Variants in USP34 observed in about 807,000 individuals in gnomAD.
USP34 encodes ubiquitin specific peptidase 34.
USP34 carries 70 observed loss-of-function variants against 460.3 expected under a neutral mutation model. The ratio of observed to expected loss-of-function variants is 0.15; its 90% CI spans 0.13 to 0.19. The LOEUF (loss-of-function observed/expected upper bound fraction) is 0.19, where lower values mean the gene tolerates loss of function less well. Among genes scored for constraint, USP34 ranks in the 10% least tolerant of loss-of-function variants. The probability of loss-of-function intolerance (pLI) is 1.00; values close to 1 mark genes in which losing one functional copy is unlikely to be tolerated. For missense variants in USP34, 3,985 were observed against 4,236.2 expected (o/e 0.94, Z 1.65); for synonymous variants, 1,647 against 1,405.3 (o/e 1.17, Z -3.85).
chr2:61,456,347 A>C (rs983890134), intron 1 of USP34, among the ~76,000 whole-genome samples: 9 of 152,182 alleles, frequency 5.9e-5, no homozygotes, highest in Non-Finnish European at 1.2e-4. Context: ...ATCCTCTTTG[A>C]ACTCTATTTC....
At chr2:61,188,786 ATT>A (rs1686529905) in intron 79 of USP34, 77 bp from the exon 80 acceptor site, 1 of 1,567,688 alleles carries the variant, frequency 6.4e-7, no homozygotes, top group Non-Finnish European at 8.6e-7. Context: ...TGGGAAGTTA[ATT>A]TTGTTTCTAG....
At chr2:61,249,320 G>A (rs191419009) in intron 48 of USP34, among the ~76,000 whole-genome samples, 152 of 152,278 alleles carry the variant, frequency 1.0e-3, no homozygotes, top group African/African-American at 3.5e-3. Flanking sequence ...TAACCAAAAG[G>A]GCCACTAAGT....
At chr2:61,390,654 A>G (rs541242529) in intron 5 of USP34, among the ~76,000 whole-genome samples, 106 of 152,250 alleles carry the variant, frequency 7.0e-4, no homozygotes, top group Non-Finnish European at 1.3e-3. Context: ...TTTGAGATTG[A>G]AACAAATGTA....
At chr2:61,295,887 G>A (rs2103625666) in intron 30 of USP34, among the ~76,000 whole-genome samples, 1 of 152,298 alleles carries the variant, frequency 6.6e-6, no homozygotes, top group East Asian at 1.9e-4. Context: ...ATAACATTAG[G>A]ACATTTATTT....
Position 61,354,200 on chromosome 2 carries a change from G to A in USP34, c.1252-3507C>T, listed in dbSNP as rs879645828. Among the ~76,000 whole-genome samples, 13 of 152,034 alleles carry A rather than the reference G, an allele frequency of 8.6e-5. 1 individual carries two copies. Among genetic ancestry groups the A allele is most frequent in the Non-Finnish European group, 1.3e-4 (9 of 67,992 alleles). On this transcript the variant is annotated intron_variant, in intron 10 of 79. Coordinates refer to ENST00000398571, the MANE Select transcript of USP34 (RefSeq NM_014709.4). ...AGATACACTCAAAAAGACCCCTATC[G>A]ATACACAATGCAATCAGAATGTAGG...
At chr2:61,414,628 T>C (rs1694142523) in intron 2 of USP34, among the ~76,000 whole-genome samples, 1 of 151,988 alleles carries the variant, frequency 6.6e-6, no homozygotes, top group Non-Finnish European at 1.5e-5. Context: ...GAACAAAGAA[T>C]AGGACAAAAG....
At chr2:61,424,109 T>G (rs964713640) in intron 1 of USP34, among the ~76,000 whole-genome samples, 2 of 152,182 alleles carry the variant, frequency 1.3e-5, no homozygotes, top group East Asian at 3.9e-4. Context: ...AATTACCATA[T>G]GATCCAGCAA....
Position 61,214,049 on chromosome 2 carries a change from ATTT to A in USP34, c.8682+8_8682+10del. The A allele has an allele frequency of 6.2e-7, 1 of 1,613,762 alleles. No individual in the cohort carries two copies. Among genetic ancestry groups the A allele is most frequent in the Non-Finnish European group, 8.5e-7 (1 of 1,179,880 alleles). On this transcript the variant is annotated splice_region_variant and intron_variant, in intron 68 of 79. Coordinates refer to ENST00000398571, the MANE Select transcript of USP34 (RefSeq NM_014709.4). ...TGAGGATACAGATAAAAGAGTATCA[ATTT>A]TACTCACTCCAGGGTATTGGCTGGC...
chr2:61,379,232 A>T (rs1692899508), intron 7 of USP34, among the ~76,000 whole-genome samples: 1 of 152,154 alleles, frequency 6.6e-6, no homozygotes, highest in South Asian at 2.1e-4. Flanking sequence ...CAAAAACAGT[A>T]ATGTGGCCAG....
chr2:61,363,531 TA>T (rs1692333979), intron 10 of USP34, among the ~76,000 whole-genome samples: 1 of 152,224 alleles, frequency 6.6e-6, no homozygotes, highest in Non-Finnish European at 1.5e-5. Flanking sequence ...TAGGCAACTG[TA>T]ACTCAACGGT....
chr2:61,291,389 C>T (rs1465660335), intron 33 of USP34, among the ~76,000 whole-genome samples: 1 of 152,088 alleles, frequency 6.6e-6, no homozygotes, highest in East Asian at 1.9e-4. Flanking sequence ...TTGGAAATTC[C>T]TCAAAAAGTT....
intron 10 of USP34, among the ~76,000 whole-genome samples, chr2:61,356,746 G>C (rs1395062083): frequency 6.6e-6 from 1 of 152,070 alleles, no homozygotes; most frequent in Non-Finnish European, 1.5e-5. Context: ...TTGTTCAATG[G>C]GTACAGAGTT....
At chr2:61,235,725 A>G in intron 57 of USP34, 120 bp downstream of exon 57, 1 of 851,242 alleles carries the variant, frequency 1.2e-6, no homozygotes, top group Non-Finnish European at 1.8e-6. Flanking sequence ...GATTTTAAGA[A>G]TGACTTCCAT....
Position 61,470,702 on chromosome 2 carries a change from G to GCCGCC in USP34, c.-15_-11dup. 6.3e-7 allele frequency: 1 copy of GCCGCC among 1,588,650 alleles called. No homozygotes were observed. Among genetic ancestry groups the GCCGCC allele is most frequent in the Admixed American group, 1.7e-5 (1 of 58,324 alleles). ...CGCAGTTCTCGCACATCGTTCGGCC[G>GCCGCC]CCGCCCCCCCCCTCCCCCGCTTCGG... On this transcript the variant is annotated 5_prime_UTR_variant, in exon 1 of 80. Transcript: ENST00000398571.
chr2:61,409,685 G>C (rs1308287639), intron 2 of USP34, among the ~76,000 whole-genome samples: 1 of 152,160 alleles, frequency 6.6e-6, no homozygotes, highest in Non-Finnish European at 1.5e-5. Context: ...CTGCACTCCA[G>C]CCTGGGCGAC....
intron 18 of USP34, among the ~76,000 whole-genome samples, chr2:61,336,802 T>G (rs1419262342): frequency 4.4e-5 from 4 of 91,406 alleles, no homozygotes; most frequent in African/African-American, 1.9e-4. Flanking sequence ...TGACTGAGAC[T>G]CCATCTCAAA....
intron 27 of USP34, among the ~76,000 whole-genome samples, chr2:61,311,026 G>T (rs1400982088): frequency 6.6e-6 from 1 of 152,106 alleles, no homozygotes; most frequent in Admixed American, 6.6e-5. Flanking sequence ...TGGTACTAAA[G>T]GGAGGGGAGG....
chr2:61,369,884 A>G (rs1290449974), intron 10 of USP34, among the ~76,000 whole-genome samples: 1 of 151,778 alleles, frequency 6.6e-6, no homozygotes, highest in Non-Finnish European at 1.5e-5. Flanking sequence ...TGAGAAGATA[A>G]TAACTGCATG....
At chr2:61,189,581 G>C (rs1019253648) in intron 78 of USP34, 2 of 152,504 alleles carry the variant, frequency 1.3e-5, no homozygotes, top group African/African-American at 4.8e-5. Context: ...AGCCTCATTA[G>C]TTCTTAAAGT....
Sources: allele counts gnomAD v4.1 joint callset (sites outside exome capture counted in the v4.1 genomes callset), GRCh38; gene constraint gnomAD v4.1.1; transcripts MANE v1.5; gene names NCBI Gene and HGNC (gene_info 2026-07-23, HGNC 2026-07-21).